Variants in PDCD11 observed in about 807,000 individuals in gnomAD.
PDCD11 encodes the protein protein RRP5 homolog.
In PDCD11, 97 loss-of-function variants were observed where a neutral mutation model predicts 198.9. The observed-to-expected ratio is 0.49, with a 90% CI of 0.41 to 0.58. The LOEUF (loss-of-function observed/expected upper bound fraction) is 0.58. Ranked by LOEUF, PDCD11 falls within the 20% of genes least tolerant of loss-of-function variation. The pLI, the probability that PDCD11 is intolerant of heterozygous loss-of-function variation, is 0.00. For missense variants in PDCD11, 2,102 were observed against 2,312.7 expected (o/e 0.91, Z 1.87); for synonymous variants, 893 against 918.0 (o/e 0.97, Z 0.49).
intron 3 of PDCD11, 113 bp downstream of exon 3, chr10:103,400,641 A>G (rs1158085808): frequency 9.1e-7 from 1 of 1,098,644 alleles, no homozygotes; most frequent in Non-Finnish European, 1.3e-6. Flanking sequence ...TCCCCTTAAT[A>G]TATTATATTT....
intron 6 of PDCD11, 44 bp from the exon 7 acceptor site, chr10:103,406,565 C>T: frequency 6.3e-7 from 1 of 1,581,930 alleles, no homozygotes; most frequent in East Asian, 2.3e-5. Flanking sequence ...AAGTCCTTCT[C>T]ATAGATACAT....
At chr10:103,415,182 T>C in intron 12 of PDCD11, 31 bp downstream of exon 12, 2 of 1,611,296 alleles carry the variant, frequency 1.2e-6, no homozygotes, top group East Asian at 2.2e-5. Context: ...CTTGGGGTTT[T>C]GGCTAGATGG....
intron 20 of PDCD11, among the ~76,000 whole-genome samples, chr10:103,425,847 CTT>C (rs1208174422): frequency 6.6e-6 from 1 of 152,002 alleles, no homozygotes; most frequent in Admixed American, 6.6e-5. Context: ...GCCCGGCTAA[CTT>C]TTTGTGTTTT....
At chr10:103,432,042 A>G (rs1434702850) in intron 21 of PDCD11, 87 bp from the exon 22 acceptor site, 35 of 977,740 alleles carry the variant, frequency 3.6e-5, no homozygotes, top group Non-Finnish European at 5.0e-5. Flanking sequence ...CGTACAGTCA[A>G]TCCGTGGCCA....
At position 103,400,533 on chromosome 10, in the gene PDCD11, G is replaced by T; in HGVS notation, c.234+5G>T. The T allele has an allele frequency of 6.2e-7, 1 of 1,607,236 alleles. No homozygotes were observed. Among genetic ancestry groups the T allele is most frequent in the Non-Finnish European group, 8.5e-7 (1 of 1,177,530 alleles). ...TTTGAAATCCTTAGTGTTGAGGTTT[G>T]TTAAAGTTGGTTTTCATTTAAACAA... On this transcript the variant is annotated splice_donor_5th_base_variant and intron_variant, in intron 3 of 35. Transcript: ENST00000369797.
rs747279938 is a variant in PDCD11 at position 103,415,001 on chromosome 10, C to T, written c.1372-4C>T. On this transcript the variant is annotated splice_region_variant and splice_polypyrimidine_tract_variant and intron_variant, in intron 11 of 35. Coordinates refer to ENST00000369797, the MANE Select transcript of PDCD11 (RefSeq NM_014976.2). The stretch of plus-strand genomic sequence containing the variant: ...TTGTGGCAGCTTATCTTTGGATTCT[C>T]TAGGGCACAGTGCTAACCATAAAGT... 9 of 1,613,916 alleles carry T rather than the reference C, an allele frequency of 5.6e-6. No homozygotes were observed. The African/African-American group carries it at 9.3e-5, about 17-fold the overall frequency.
rs570873351 is a variant in PDCD11 at position 103,416,695 on chromosome 10, A to G, written c.1723A>G (p.Ser575Gly). ...GGGACTGGTGCCCAAGCATGAGCTC[A>G]GTACTGAGTATATCCCTGACCCGGA... is the stretch of plus-strand genomic sequence containing the variant. ...VQGLVPKHEL[S>G]TEYIPDPERV... Residue 575 changes from serine (S) to glycine (G), a missense_variant, in exon 13 of 36, where the codon AGT (serine) becomes GGT (glycine). Coordinates refer to ENST00000369797, the MANE Select transcript of PDCD11 (RefSeq NM_014976.2). 5.6e-6 allele frequency: 9 copies of G among 1,614,124 alleles called. No individual in the cohort carries two copies. Among genetic ancestry groups the G allele is most frequent in the African/African-American group, 2.7e-5 (2 of 74,944 alleles).
intron 7 of PDCD11, 117 bp downstream of exon 7, chr10:103,406,907 T>C (rs1057401265): frequency 1.3e-6 from 1 of 762,034 alleles, no homozygotes; most frequent in South Asian, 2.3e-5. Context: ...CTTACGCCCA[T>C]TGAGCATTTC....
intron 8 of PDCD11, among the ~76,000 whole-genome samples, chr10:103,411,920 C>CA (rs1355581018): frequency 2.0e-5 from 3 of 152,174 alleles, no homozygotes; most frequent in African/African-American, 7.2e-5. Flanking sequence ...ATTACAGATA[C>CA]ATCAGCTCCT....
At chr10:103,403,391 T>G in intron 4 of PDCD11, 106 bp downstream of exon 4, 4 of 1,031,046 alleles carry the variant, frequency 3.9e-6, no homozygotes, top group Non-Finnish European at 5.7e-6. Flanking sequence ...CAAGGTCCCG[T>G]GAGAGTTTAT....
chr10:103,437,301 C>G (rs542391060), intron 25 of PDCD11, among the ~76,000 whole-genome samples: 1 of 152,054 alleles, frequency 6.6e-6, no homozygotes, highest in Non-Finnish European at 1.5e-5. Flanking sequence ...GCCACCACAC[C>G]TGGCTTTTTA....
At chr10:103,408,371 C>T (rs1351368771) in intron 7 of PDCD11, among the ~76,000 whole-genome samples, 11 of 152,058 alleles carry the variant, frequency 7.2e-5, no homozygotes, top group Admixed American at 7.2e-4. Context: ...TAGTGTGGTA[C>T]ATTATCCAGA....
intron 12 of PDCD11, 33 bp from the exon 13 acceptor site, chr10:103,416,458 A>G (rs1161733949): frequency 1.2e-6 from 2 of 1,609,950 alleles, no homozygotes; most frequent in Non-Finnish European, 8.5e-7. Flanking sequence ...ATGATAACAG[A>G]TAACTTGATG....
At chr10:103,416,960 C>T (rs75371893) in intron 13 of PDCD11, among the ~76,000 whole-genome samples, 4,242 of 152,230 alleles carry the variant, frequency 0.028, 80 homozygotes, top group Middle Eastern at 0.034. Flanking sequence ...ATCTCAGGCA[C>T]GCATGGAAGA....
chr10:103,422,106 A>T (rs2031474415), intron 17 of PDCD11, among the ~76,000 whole-genome samples: 1 of 143,666 alleles, frequency 7.0e-6, no homozygotes, highest in African/African-American at 2.6e-5. Context: ...TATTGAGACC[A>T]AGTTGCACTC....
Position 103,440,737 on chromosome 10 carries a change from AGAGT to A in PDCD11, c.4448_4451del (p.Val1483AlafsTer60). On this transcript the variant is annotated frameshift_variant, in exon 30 of 36. Transcript: ENST00000369797. LOFTEE classifies it high-confidence loss of function. ...ATTCTCCCACCTGGCCTCTCAGGAAAGAGTGAGCAAGAAGCCAAAGAAAGCCGGC... is the reference window on the plus strand; with the variant it reads ...ATTCTCCCACCTGGCCTCTCAGGAAAGAGCAAGAAGCCAAAGAAAGCCGGC... 1 of 1,614,146 alleles carries A rather than the reference AGAGT, an allele frequency of 6.2e-7. No individual in the cohort carries two copies. The highest frequency in any genetic ancestry group is 8.5e-7 in the Non-Finnish European group (1 of 1,180,020).
chr10:103,434,469 G>A, intron 24 of PDCD11, 119 bp downstream of exon 24: 1 of 695,874 alleles, frequency 1.4e-6, no homozygotes, highest in Non-Finnish European at 2.5e-6. Flanking sequence ...CAGAAAGCCT[G>A]GTGTGGGACC....
At chr10:103,404,950 C>T in intron 4 of PDCD11, 72 bp from the exon 5 acceptor site, 1 of 1,452,350 alleles carries the variant, frequency 6.9e-7, no homozygotes, top group Non-Finnish European at 9.4e-7. Flanking sequence ...AGTCACTGAG[C>T]CAAAGCTGGG....
rs2032493097 is a variant in PDCD11, at chr10:103,443,919, C to G, written c.5129C>G (p.Ala1710Gly). The change falls in exon 34 of 36, where the codon GCT (alanine) becomes GGT (glycine). Residue 1710 changes from alanine to glycine, a missense_variant. Physicochemically the swap from Ala to Gly is moderately conservative, Grantham distance 60 (BLOSUM62 0). Transcript: ENST00000369797. ...IYAKSEKFQE[A>G]GELYNRMLKR... ...GTGCCTCGTCTTTTCCCACAGGAAG[C>G]TGGTGAACTCTACAACCGGATGCTG... 1 of 1,613,938 alleles carries G rather than the reference C, an allele frequency of 6.2e-7. No individual in the cohort carries two copies. The highest frequency in any genetic ancestry group is 1.3e-5 in the African/African-American group (1 of 74,936).
Sources: allele counts gnomAD v4.1 joint callset (sites outside exome capture counted in the v4.1 genomes callset), GRCh38; gene constraint gnomAD v4.1.1; transcripts MANE v1.5; gene names NCBI Gene and HGNC (gene_info 2026-07-23, HGNC 2026-07-21).